DCDC1: variants seen among roughly 807,000 people sequenced by gnomAD.
DCDC1 encodes the protein doublecortin domain containing 1.
DCDC1 carries 200 observed loss-of-function variants against 178.3 expected under a neutral mutation model. The observed-to-expected ratio is 1.12, with a 90% CI of 1.00 to 1.26. DCDC1 has a LOEUF of 1.26. DCDC1 is among the 50% of genes most tolerant of loss of function. DCDC1 has a pLI of 0.00. For synonymous variants in DCDC1, 690 were observed against 604.8 expected (o/e 1.14, Z -2.07); for missense variants, 1,983 against 1,749.2 (o/e 1.13, Z -2.38).
At chr11:30,943,727 CTT>C in intron 21 of DCDC1, 1 of 418,448 alleles carries the variant, frequency 2.4e-6, no homozygotes, top group East Asian at 7.1e-5. Context: ...TTCAATAAGG[CTT>C]TACCATATTT....
rs1042177014 is a variant in DCDC1 at position 30,974,207 on chromosome 11, C to G, written c.2592-21639G>C. On this transcript the variant is annotated intron_variant, in intron 20 of 38. Coordinates refer to ENST00000684477, the MANE Select transcript of DCDC1 (RefSeq NM_001387274.1). The stretch of plus-strand genomic sequence containing the variant: ...AAAATGCAAACCAAAACGCAACACA[C>G]CAAAGCCTGTCGGATACAGTAAAAG... 3.3e-5 allele frequency among the ~76,000 whole-genome samples: 5 copies of G among 151,086 alleles called. No homozygotes were observed. The East Asian group carries it at 9.7e-4, about 29-fold the overall frequency.
chr11:31,359,155 T>C (rs1951564135), intron 1 of DCDC1, among the ~76,000 whole-genome samples: 1 of 152,162 alleles, frequency 6.6e-6, no homozygotes, highest in South Asian at 2.1e-4. Context: ...TGTGGCACTA[T>C]TCACAATAGC....
chr11:31,140,417 G>C (rs1489594747), intron 9 of DCDC1, among the ~76,000 whole-genome samples: 2 of 152,136 alleles, frequency 1.3e-5, no homozygotes, highest in African/African-American at 4.8e-5. Flanking sequence ...TTAAATATAA[G>C]AAGGCATCTT....
chr11:30,915,367 G>C (rs1360963804), intron 27 of DCDC1, 144 bp downstream of exon 27: 3 of 799,044 alleles, frequency 3.8e-6, no homozygotes, highest in East Asian at 5.4e-5. Context: ...CTCTTCTTTG[G>C]CTAGGATAAA....
At chr11:31,279,516 G>T (rs1183680222) in intron 7 of DCDC1, among the ~76,000 whole-genome samples, 1 of 152,132 alleles carries the variant, frequency 6.6e-6, no homozygotes, top group African/African-American at 2.4e-5. Flanking sequence ...TGATAGACTG[G>T]ATAGAGAAAA....
At chr11:31,261,168 C>T (rs1034829259) in intron 8 of DCDC1, among the ~76,000 whole-genome samples, 1 of 152,188 alleles carries the variant, frequency 6.6e-6, no homozygotes, top group Non-Finnish European at 1.5e-5. Flanking sequence ...ATCTCCACTT[C>T]ACTTCCATCT....
chr11:30,906,853 A>T, intron 29 of DCDC1, 128 bp from the exon 30 acceptor site: 2 of 885,624 alleles, frequency 2.3e-6, no homozygotes, highest in Admixed American at 7.0e-5. Flanking sequence ...ATTTTATGCT[A>T]AATTTAAATT....
chr11:31,193,679 T>G lies in DCDC1; in HGVS notation c.1221+47771A>C, dbSNP rs975481942. On this transcript the variant is annotated intron_variant, in intron 9 of 38. Coordinates refer to ENST00000684477, the MANE Select transcript of DCDC1 (RefSeq NM_001387274.1). The stretch of plus-strand genomic sequence containing the variant: ...TCACCAGACAAATGCTCCATTGCCC[T>G]CTGATGGCCTTCCCTCCTACAGAGA... Among the ~76,000 whole-genome samples, 10 of 152,176 alleles carry G rather than the reference T, an allele frequency of 6.6e-5. No homozygotes were observed. In the South Asian group the frequency reaches 1.9e-3, roughly 28 times the overall value.
intron 8 of DCDC1, among the ~76,000 whole-genome samples, chr11:31,254,982 CA>C (rs768585704): frequency 1.1e-4 from 17 of 152,110 alleles, no homozygotes; most frequent in Non-Finnish European, 2.2e-4. Flanking sequence ...CACCAATCTG[CA>C]TTCTGTCTCT....
intron 9 of DCDC1, among the ~76,000 whole-genome samples, chr11:31,171,565 A>G (rs1376200798): frequency 6.6e-6 from 1 of 152,204 alleles, no homozygotes; most frequent in Non-Finnish European, 1.5e-5. Context: ...TACCAGTCAC[A>G]GTGGCAGAAG....
At chr11:31,135,970 G>C (rs1350726941) in intron 10 of DCDC1, among the ~76,000 whole-genome samples, 1 of 151,916 alleles carries the variant, frequency 6.6e-6, no homozygotes, top group Non-Finnish European at 1.5e-5. Flanking sequence ...TTTTAATTTT[G>C]CATAAAATAT....
chr11:31,146,141 C>G (rs533854138), intron 9 of DCDC1, among the ~76,000 whole-genome samples: 1 of 147,894 alleles, frequency 6.8e-6, no homozygotes, highest in Admixed American at 6.9e-5. Context: ...GGCACAATAT[C>G]GGCTCACTGC....
intron 20 of DCDC1, among the ~76,000 whole-genome samples, chr11:31,013,140 A>G (rs1952274849): frequency 6.6e-6 from 1 of 152,028 alleles, no homozygotes; most frequent in African/African-American, 2.4e-5. Context: ...AACCCACCAG[A>G]TCTTTCTCCA....
At chr11:31,122,268 G>A (rs1024213933) in intron 11 of DCDC1, among the ~76,000 whole-genome samples, 2 of 152,134 alleles carry the variant, frequency 1.3e-5, no homozygotes, top group Non-Finnish European at 2.9e-5. Flanking sequence ...TAAGATATAA[G>A]TATAGAGAAA....
At chr11:31,321,576 C>A (rs1326559524) in intron 3 of DCDC1, among the ~76,000 whole-genome samples, 4 of 152,084 alleles carry the variant, frequency 2.6e-5, no homozygotes, top group African/African-American at 4.8e-5. Flanking sequence ...GTGAGATGAA[C>A]CCGGTACCTC....
chr11:31,313,131 T>C (rs1948867132), intron 3 of DCDC1, among the ~76,000 whole-genome samples: 1 of 152,204 alleles, frequency 6.6e-6, no homozygotes, highest in African/African-American at 2.4e-5. Context: ...TTTTCTGTTT[T>C]ACCTATCTGT....
intron 15 of DCDC1, among the ~76,000 whole-genome samples, chr11:31,098,982 T>C (rs1215488628): frequency 6.6e-6 from 1 of 152,228 alleles, no homozygotes; most frequent in Non-Finnish European, 1.5e-5. Flanking sequence ...TCATTTTCAC[T>C]AAATCATTAG....
intron 34 of DCDC1, among the ~76,000 whole-genome samples, chr11:30,897,353 C>T (rs2134084616): frequency 6.6e-6 from 1 of 152,132 alleles, no homozygotes; most frequent in Admixed American, 6.5e-5. Context: ...CTTTGGGAGG[C>T]CGAGGCAGGC....
chr11:31,258,050 T>C (rs1944532385), intron 8 of DCDC1, among the ~76,000 whole-genome samples: 1 of 152,114 alleles, frequency 6.6e-6, no homozygotes, highest in Non-Finnish European at 1.5e-5. Context: ...AGAGTGCACA[T>C]AAAATCTGGA....
Sources: gnomAD v4.1 joint callset for allele counts (sites outside exome capture counted in the v4.1 genomes callset) on GRCh38, gnomAD v4.1.1 for gene constraint, MANE v1.5 for transcripts, NCBI Gene and HGNC (gene_info 2026-07-23, HGNC 2026-07-21) for gene names.